The following FARS2 variants were observed in gnomAD, a reference collection of about 807,000 sequenced individuals.
FARS2 encodes the protein phenylalanyl-tRNA synthetase 2, mitochondrial.
FARS2 carries 40 observed loss-of-function variants against 46.4 expected under a neutral mutation model. The observed-to-expected ratio is 0.86, with a 90% CI of 0.67 to 1.12. The LOEUF is 1.12. FARS2 is among the 50% of genes most tolerant of loss of function. The probability of loss-of-function intolerance (pLI) is 0.00; values close to 1 mark genes in which losing one functional copy is unlikely to be tolerated. For missense variants in FARS2, 513 were observed against 567.9 expected, an observed-to-expected ratio of 0.90 and a Z score of 0.98; for synonymous variants, 234 against 214.9, an observed-to-expected ratio of 1.09 and a Z score of -0.78.
At chr6:5,262,736 GAT>G (rs1561915559) in intron 1 of FARS2, among the ~76,000 whole-genome samples, 1 of 152,170 alleles carries the variant, frequency 6.6e-6, no homozygotes, top group Admixed American at 6.5e-5. Context: ...CTTTTATTAA[GAT>G]ATCTTTAAGT....
intron 4 of FARS2, among the ~76,000 whole-genome samples, chr6:5,483,134 G>T (rs969321416): frequency 1.3e-5 from 2 of 152,192 alleles, no homozygotes; most frequent in African/African-American, 2.4e-5. Context: ...ACCCCAAACT[G>T]CTGGGTTCTC....
chr6:5,434,211 A>C (rs757189170), intron 4 of FARS2, among the ~76,000 whole-genome samples: 5 of 152,142 alleles, frequency 3.3e-5, no homozygotes, highest in African/African-American at 7.2e-5. Flanking sequence ...CGCTGGGTTC[A>C]AGCGATTCTT....
At chr6:5,440,196 A>G (rs963079374) in intron 4 of FARS2, among the ~76,000 whole-genome samples, 13 of 152,214 alleles carry the variant, frequency 8.5e-5, no homozygotes, top group African/African-American at 2.7e-4. Flanking sequence ...TAATTCCTAT[A>G]TAAAACTGTA....
In FARS2 at chr6:5,368,970, G is replaced by A; in HGVS notation, c.400G>A (p.Asp134Asn). ...QNFDSLLIPADHPSRKKGDNY... is the reference protein window; with the variant it reads ...QNFDSLLIPANHPSRKKGDNY... ...CTTTGACAGCCTGCTCATCCCAGCT[G>A]ATCACCCCAGCAGGAAGAAGGGGGA... The change falls in exon 2 of 7, where the codon GAT becomes AAT. Residue 134 changes from aspartate (D) to asparagine (N), a missense_variant. Transcript: ENST00000274680. The A allele has an allele frequency of 1.2e-6, 2 of 1,614,116 alleles. No homozygotes were observed. The highest frequency in any genetic ancestry group is 1.7e-6 in the Non-Finnish European group (2 of 1,180,016).
chr6:5,260,601 C>CCGGCCCCCGG, upstream of FARS2: 2 of 1,202,676 alleles, frequency 1.7e-6, no homozygotes, highest in African/African-American at 1.6e-5. Context: ...CCCCCGGTCC[C>CCGGCCCCCGG]CGGCCCCTGG....
intron 4 of FARS2, among the ~76,000 whole-genome samples, chr6:5,539,384 G>GTGTATATATATATATATATATATATATA: frequency 0.025 from 1,946 of 78,992 alleles, 130 homozygotes; most frequent in Non-Finnish European, 0.039. Context: ...TTTTTTTTGT[G>GTGTATATATATATATATATATATATATA]TATATATATA....
rs183400535 is a variant in FARS2, at chr6:5,300,950, G to T, written c.-22+39290G>T. Among the ~76,000 whole-genome samples the T allele has an allele frequency of 1.1e-3, 166 of 152,008 alleles. 4 individuals carry two copies. Among genetic ancestry groups the T allele is most frequent in the Admixed American group, 0.011 (166 of 15,268 alleles). Reference sequence around the variant, plus strand: ...GGGTCTTGCCATGTTGCCCAGGCTGGTCTCAATCTGCCTGCCTTGGCTTCC... The same window carrying T: ...GGGTCTTGCCATGTTGCCCAGGCTGTTCTCAATCTGCCTGCCTTGGCTTCC... On this transcript the variant is annotated intron_variant, in intron 1 of 6. Transcript: ENST00000274680.
chr6:5,613,220 T>G lies in FARS2; in HGVS notation c.1117T>G (p.Ser373Ala), dbSNP rs751605205. ...CAATGATATTTCATTCTGGTTGCCC[T>G]CTGAGAATTACGCAGAAAATGATTT... ...VINDISFWLP[S>A]ENYAENDFYD... Residue 373 changes from serine (S) to alanine (A), a missense_variant, in exon 6 of 7, where the codon TCT becomes GCT. Ser to Ala is a moderately conservative substitution (Grantham distance 99). Coordinates refer to ENST00000274680, the MANE Select transcript of FARS2 (RefSeq NM_006567.5). 6.2e-7 allele frequency: 1 copy of G among 1,613,404 alleles called. No individual in the cohort carries two copies. The highest frequency in any genetic ancestry group is 8.5e-7 in the Non-Finnish European group (1 of 1,179,522).
At chr6:5,749,951 G>T (rs1761852724) in intron 6 of FARS2, among the ~76,000 whole-genome samples, 1 of 152,204 alleles carries the variant, frequency 6.6e-6, no homozygotes, top group African/African-American at 2.4e-5. Context: ...GGGCCTGCGG[G>T]GAGTTACACG....
intron 5 of FARS2, among the ~76,000 whole-genome samples, chr6:5,589,402 G>T (rs1773794398): frequency 6.6e-6 from 1 of 152,244 alleles, no homozygotes; most frequent in South Asian, 2.1e-4. Context: ...CAGGATTGCA[G>T]TACATGCTTA....
intron 5 of FARS2, among the ~76,000 whole-genome samples, chr6:5,571,673 A>G (rs572632734): frequency 6.6e-6 from 1 of 152,274 alleles, no homozygotes; most frequent in Non-Finnish European, 1.5e-5. Context: ...CCAGTAACTC[A>G]GTCTTCTGTG....
chr6:5,621,617 G>A (rs930993190), intron 6 of FARS2, among the ~76,000 whole-genome samples: 8 of 152,164 alleles, frequency 5.3e-5, no homozygotes, highest in African/African-American at 9.7e-5. Flanking sequence ...CAAGGAAACC[G>A]AATAGCAAGC....
At chr6:5,572,233 T>G (rs72817779) in intron 5 of FARS2, among the ~76,000 whole-genome samples, 8,943 of 152,132 alleles carry the variant, frequency 0.059, 641 homozygotes, top group East Asian at 0.28. Context: ...TCAGGAAGCT[T>G]ACAGCCATGG....
At chr6:5,497,786 T>C (rs1404285666) in intron 4 of FARS2, among the ~76,000 whole-genome samples, 1 of 152,242 alleles carries the variant, frequency 6.6e-6, no homozygotes, top group Non-Finnish European at 1.5e-5. Flanking sequence ...GAAATGTTTA[T>C]TTTTAAAATG....
intron 1 of FARS2, among the ~76,000 whole-genome samples, chr6:5,362,927 C>CTTTTTTTTTT (rs55686418): frequency 8.1e-5 from 10 of 124,198 alleles, no homozygotes; most frequent in East Asian, 4.7e-4. Context: ...TTCTTTCTTT[C>CTTTTTTTTTT]TTTTTTTTTT....
chr6:5,282,246 C>T (rs1357098498), intron 1 of FARS2, among the ~76,000 whole-genome samples: 3 of 152,154 alleles, frequency 2.0e-5, no homozygotes, highest in Non-Finnish European at 4.4e-5. Flanking sequence ...GCTCAGGAGA[C>T]TGAGGAACAG....
intron 1 of FARS2, among the ~76,000 whole-genome samples, chr6:5,304,139 G>C (rs557455291): frequency 6.7e-4 from 102 of 152,248 alleles, no homozygotes; most frequent in African/African-American, 2.4e-3. Context: ...AAAAAGCTTA[G>C]AAATAAAGAA....
intron 6 of FARS2, among the ~76,000 whole-genome samples, chr6:5,744,580 C>T (rs781101791): frequency 2.6e-5 from 4 of 152,186 alleles, no homozygotes; most frequent in African/African-American, 7.2e-5. Context: ...TTCTGCCCAG[C>T]GGTATCTGTC....
chr6:5,732,236 T>C (rs1760673535), intron 6 of FARS2, among the ~76,000 whole-genome samples: 1 of 152,210 alleles, frequency 6.6e-6, no homozygotes, highest in South Asian at 2.1e-4. Context: ...CAAATGGCTC[T>C]AGTAGCAGGA....
Sources: gnomAD v4.1 joint callset for allele counts (sites outside exome capture counted in the v4.1 genomes callset) on GRCh38, gnomAD v4.1.1 for gene constraint, MANE v1.5 for transcripts, NCBI Gene and HGNC (gene_info 2026-07-23, HGNC 2026-07-21) for gene names.